The following DGKI variants were observed in gnomAD, a reference collection of about 807,000 sequenced individuals.
The protein encoded by DGKI is diacylglycerol kinase iota.
Under a neutral mutation model 147.5 loss-of-function variants are expected in DGKI, and 55 were observed. The ratio of observed to expected loss-of-function variants is 0.37; its 90% CI spans 0.30 to 0.47. DGKI has a LOEUF of 0.47. DGKI is among the 20% of genes least tolerant of loss of function. The pLI is 1.00. For missense variants in DGKI, 1,007 were observed against 1,323.8 expected, an observed-to-expected ratio of 0.76 and a Z score of 3.71; for synonymous variants, 469 against 477.1, an observed-to-expected ratio of 0.98 and a Z score of 0.22.
chr7:137,552,754 C>A (rs866752301), intron 19 of DGKI, among the ~76,000 whole-genome samples, 186 bp from the exon 20 acceptor site: 14,920 of 119,696 alleles, frequency 0.12, 1,776 homozygotes, highest in African/African-American at 0.32. Context: ...ACTAAAAATA[C>A]AAAAAAAAAA....
At chr7:137,804,100 A>C (rs936654698) in intron 1 of DGKI, among the ~76,000 whole-genome samples, 7 of 152,130 alleles carry the variant, frequency 4.6e-5, no homozygotes, top group Non-Finnish European at 8.8e-5. Context: ...TTCTCTCTTC[A>C]CATCTCCAGT....
At chr7:137,570,174 A>G (rs1818744961) in intron 19 of DGKI, among the ~76,000 whole-genome samples, 1 of 152,200 alleles carries the variant, frequency 6.6e-6, no homozygotes, top group South Asian at 2.1e-4. Context: ...GGTGACAAGC[A>G]GAAGCTTTGT....
intron 23 of DGKI, among the ~76,000 whole-genome samples, chr7:137,474,045 C>T (rs953493889): frequency 3.3e-5 from 5 of 152,160 alleles, no homozygotes; most frequent in Admixed American, 1.3e-4. Context: ...TTTTGTGAAG[C>T]TCTTTCCACC....
intron 21 of DGKI, among the ~76,000 whole-genome samples, chr7:137,493,281 C>A (rs117484175): frequency 0.015 from 2,326 of 152,298 alleles, 41 homozygotes; most frequent in Non-Finnish European, 0.024. Flanking sequence ...CCATCGCACC[C>A]ACTATTACTG....
intron 5 of DGKI, among the ~76,000 whole-genome samples, chr7:137,646,503 C>T (rs540643850): frequency 5.6e-4 from 86 of 152,248 alleles, no homozygotes; most frequent in African/African-American, 2.0e-3. Context: ...AGTCAAGCAG[C>T]GCCATTCACC....
chr7:137,594,109 C>G (rs560651827), intron 12 of DGKI, among the ~76,000 whole-genome samples: 25 of 152,288 alleles, frequency 1.6e-4, no homozygotes, highest in African/African-American at 5.8e-4. Flanking sequence ...TGCAGTAGCA[C>G]AATCTCAGCT....
intron 1 of DGKI, among the ~76,000 whole-genome samples, chr7:137,781,346 T>A (rs1427606977): frequency 1.3e-5 from 2 of 152,164 alleles, no homozygotes; most frequent in Non-Finnish European, 2.9e-5. Context: ...TATGTTCTTT[T>A]TGGGCAAAGA....
chr7:137,501,697 G>C (rs78648840), intron 21 of DGKI, among the ~76,000 whole-genome samples: 1 of 152,134 alleles, frequency 6.6e-6, no homozygotes, highest in Non-Finnish European at 1.5e-5. Flanking sequence ...ATTGCGTAGA[G>C]GCCAATGAAA....
At chr7:137,494,089 G>A (rs1207085764) in intron 21 of DGKI, among the ~76,000 whole-genome samples, 1 of 152,052 alleles carries the variant, frequency 6.6e-6, no homozygotes, top group East Asian at 1.9e-4. Context: ...ATGAAGACCA[G>A]TCCTCCAGAA....
chr7:137,843,957 T>C (rs796460152), intron 1 of DGKI, among the ~76,000 whole-genome samples: 11 of 152,272 alleles, frequency 7.2e-5, no homozygotes, highest in African/African-American at 2.6e-4. Flanking sequence ...AACTCAGTCC[T>C]TTCACTCAGA....
At chr7:137,711,844 C>A (rs564417780) in intron 1 of DGKI, among the ~76,000 whole-genome samples, 1 of 151,902 alleles carries the variant, frequency 6.6e-6, no homozygotes, top group South Asian at 2.1e-4. Context: ...CAGGCGCCCA[C>A]CAACACACCC....
intron 6 of DGKI, among the ~76,000 whole-genome samples, chr7:137,628,402 G>A (rs894446751): frequency 6.6e-6 from 1 of 152,146 alleles, no homozygotes; most frequent in Non-Finnish European, 1.5e-5. Context: ...ATAGCTTCGG[G>A]CTTATCATCT....
chr7:137,824,239 A>G (rs1328500252), intron 1 of DGKI, among the ~76,000 whole-genome samples: 8 of 152,220 alleles, frequency 5.3e-5, no homozygotes. Flanking sequence ...ACTATTGGCC[A>G]GGTGCAGCGG....
At chr7:137,585,177 G>A in intron 14 of DGKI, 32 bp downstream of exon 14, 1 of 1,612,732 alleles carries the variant, frequency 6.2e-7, no homozygotes, top group Non-Finnish European at 8.5e-7. Context: ...ATGCTCCAGG[G>A]CTCCTTTCTG....
intron 6 of DGKI, among the ~76,000 whole-genome samples, chr7:137,641,061 G>T (rs1251907679): frequency 6.6e-6 from 1 of 152,086 alleles, no homozygotes; most frequent in Admixed American, 6.6e-5. Flanking sequence ...TTATGGGGGC[G>T]GGTCTTTCCT....
intron 10 of DGKI, among the ~76,000 whole-genome samples, chr7:137,608,111 C>T (rs1820243985): frequency 6.6e-6 from 1 of 152,096 alleles, no homozygotes; most frequent in Admixed American, 6.5e-5. Context: ...TACAACTTAC[C>T]TTCCTTATAT....
At position 137,464,552 on chromosome 7, in the gene DGKI, G is replaced by A. The variant is rs538382287; in HGVS notation, c.2613-941C>T. Among the ~76,000 whole-genome samples, 64 of 152,182 alleles carry A rather than the reference G, an allele frequency of 4.2e-4. 1 individual carries two copies. Among genetic ancestry groups the A allele is most frequent in the Non-Finnish European group, 2.5e-4 (17 of 68,016 alleles). ...CATCAGGTTACCCCTTGTGCCTGTC[G>A]GCCTTCCCCCATGCTCTGACATCGC... On this transcript the variant is annotated intron_variant, in intron 26 of 32. Coordinates refer to ENST00000614521, the MANE Select transcript of DGKI (RefSeq NM_001321708.2).
At chr7:137,539,390 C>T (rs928151389) in intron 20 of DGKI, among the ~76,000 whole-genome samples, 1 of 152,120 alleles carries the variant, frequency 6.6e-6, no homozygotes, top group Non-Finnish European at 1.5e-5. Flanking sequence ...ACTCAGAAAA[C>T]AACTCCATAA....
rs186154908 is a variant in DGKI at position 137,677,745 on chromosome 7, A to G, written c.606+812T>C. On this transcript the variant is annotated intron_variant, in intron 3 of 32. Coordinates refer to ENST00000614521, the MANE Select transcript of DGKI (RefSeq NM_001321708.2). ...ATATTTTTTTAAAAAAGAAAAAAGC[A>G]TTCTATAAATTCTGGTGCTAATTTC... Among the ~76,000 whole-genome samples the G allele has an allele frequency of 2.8e-3, 427 of 152,360 alleles. 1 individual carries two copies. The highest frequency in any genetic ancestry group is 2.3e-3 in the Non-Finnish European group (154 of 68,028).
Sources: gnomAD v4.1 joint callset for allele counts (sites outside exome capture counted in the v4.1 genomes callset) on GRCh38, gnomAD v4.1.1 for gene constraint, MANE v1.5 for transcripts, NCBI Gene and HGNC (gene_info 2026-07-23, HGNC 2026-07-21) for gene names.